CTNNBIP1: variants seen among roughly 807,000 people sequenced by gnomAD.
CTNNBIP1 encodes catenin beta interacting protein 1.
CTNNBIP1 carries 7 observed loss-of-function variants against 11.8 expected under a neutral mutation model. The ratio of observed to expected loss-of-function variants is 0.60; its 90% CI spans 0.34 to 1.12. The LOEUF (loss-of-function observed/expected upper bound fraction) is 1.12, where lower values mean the gene tolerates loss of function less well. Among genes scored for constraint, CTNNBIP1 ranks in the 50% most tolerant of loss-of-function variants. The probability of loss-of-function intolerance (pLI) is 0.03; values close to 1 mark genes in which losing one functional copy is unlikely to be tolerated. For synonymous variants in CTNNBIP1, 58 were observed against 43.9 expected (o/e 1.32, Z -1.26); for missense variants, 101 against 113.4 (o/e 0.89, Z 0.50).
chr1:9,878,578 G>A (rs1022838751), intron 2 of CTNNBIP1, among the ~76,000 whole-genome samples: 3 of 152,164 alleles, frequency 2.0e-5, no homozygotes, highest in Non-Finnish European at 2.9e-5. Context: ...ACATGTCTAC[G>A]TGCCCCCAAT....
chr1:9,860,550 C>T (rs1638604968), intron 5 of CTNNBIP1, among the ~76,000 whole-genome samples: 1 of 146,930 alleles, frequency 6.8e-6, no homozygotes, highest in South Asian at 2.2e-4. Context: ...GCGGAGGTTG[C>T]AGTGAGCCGA....
chr1:9,876,334 AG>A (rs1217866489), intron 3 of CTNNBIP1, among the ~76,000 whole-genome samples: 1 of 152,194 alleles, frequency 6.6e-6, no homozygotes, highest in Non-Finnish European at 1.5e-5. Context: ...GAAAAGAAAC[AG>A]GCCAGGCACA....
chr1:9,909,414 A>G (rs1044805912), intron 1 of CTNNBIP1, among the ~76,000 whole-genome samples: 1 of 152,162 alleles, frequency 6.6e-6, no homozygotes, highest in African/African-American at 2.4e-5. Flanking sequence ...AGACAAGTTC[A>G]GCTCACAAGG....
chr1:9,908,327 G>GA (rs957801676), intron 1 of CTNNBIP1, among the ~76,000 whole-genome samples: 37 of 150,904 alleles, frequency 2.5e-4, no homozygotes, highest in African/African-American at 9.0e-4. Context: ...AAAGTGCTGG[G>GA]ATTACAGGCA....
At chr1:9,891,539 A>C (rs1357843092) in intron 1 of CTNNBIP1, among the ~76,000 whole-genome samples, 1 of 152,120 alleles carries the variant, frequency 6.6e-6, no homozygotes, top group Non-Finnish European at 1.5e-5. Flanking sequence ...GTGCCCCCGG[A>C]AGCAGCCCCC....
In CTNNBIP1 at chr1:9,888,179, C is replaced by T. The variant is rs1030958258; in HGVS notation, c.-143-4441G>A. ...GGCACAGTGGCTCATGCCTGTAATCCCAACGCTTTGGGAGGCTGAGGTGGG... is the reference window on the plus strand; with the variant it reads ...GGCACAGTGGCTCATGCCTGTAATCTCAACGCTTTGGGAGGCTGAGGTGGG... On this transcript the variant is annotated intron_variant, in intron 1 of 5. Transcript: ENST00000377263. Among the ~76,000 whole-genome samples the T allele has an allele frequency of 5.5e-4, 84 of 152,066 alleles. 1 individual carries two copies. The highest frequency in any genetic ancestry group is 2.0e-4 in the East Asian group (1 of 5,098).
intron 1 of CTNNBIP1, among the ~76,000 whole-genome samples, chr1:9,896,565 C>A (rs547283401): frequency 7.2e-5 from 11 of 151,872 alleles, no homozygotes; most frequent in Non-Finnish European, 1.0e-4. Context: ...CCGGCCATGG[C>A]GGCTCACGCT....
At chr1:9,873,339 A>T (rs977492402) in intron 3 of CTNNBIP1, among the ~76,000 whole-genome samples, 1 of 152,094 alleles carries the variant, frequency 6.6e-6, no homozygotes, top group African/African-American at 2.4e-5. Flanking sequence ...CCTAAGTGAT[A>T]ACTGGGAGCT....
intron 5 of CTNNBIP1, among the ~76,000 whole-genome samples, chr1:9,852,451 G>A (rs60389428): frequency 0.12 from 17,799 of 152,186 alleles, 2,898 homozygotes; most frequent in African/African-American, 0.35. Flanking sequence ...AAAGGGACAC[G>A]AGTTGTCCAG....
intron 3 of CTNNBIP1, among the ~76,000 whole-genome samples, chr1:9,873,561 G>A (rs1014648336): frequency 6.6e-6 from 1 of 152,114 alleles, no homozygotes. Flanking sequence ...ATCTGGAGCT[G>A]GACTCCACAC....
chr1:9,861,649 T>G (rs1174354346), intron 5 of CTNNBIP1, among the ~76,000 whole-genome samples: 1 of 152,190 alleles, frequency 6.6e-6, no homozygotes, highest in Non-Finnish European at 1.5e-5. Flanking sequence ...TGTGTGGACG[T>G]GCATCGAGCT....
At chr1:9,907,792 G>C (rs764458782) in intron 1 of CTNNBIP1, among the ~76,000 whole-genome samples, 1 of 152,038 alleles carries the variant, frequency 6.6e-6, no homozygotes, top group African/African-American at 2.4e-5. Context: ...CCACCTCTTC[G>C]TTTCCACTGC....
rs114858333 is a variant in CTNNBIP1 at position 9,907,688 on chromosome 1, G to A, written c.-144+2407C>T. Among the ~76,000 whole-genome samples the A allele has an allele frequency of 5.6e-3, 857 of 152,270 alleles. 11 individuals carry two copies. The highest frequency in any genetic ancestry group is 0.02 in the African/African-American group (815 of 41,534). On this transcript the variant is annotated intron_variant, in intron 1 of 5. Coordinates refer to ENST00000377263, the MANE Select transcript of CTNNBIP1 (RefSeq NM_020248.3). ...ACAAACCCTCTCCAATCAAGGAGGC[G>A]GGGACCTGTTCTGTGAGCACGTTGT...
intron 5 of CTNNBIP1, among the ~76,000 whole-genome samples, chr1:9,865,323 G>A (rs12749151): frequency 0.035 from 5,399 of 152,098 alleles, 125 homozygotes; most frequent in Non-Finnish European, 0.052. Context: ...TATTAAGGCC[G>A]GGCGCGGTGG....
At chr1:9,888,637 C>A (rs1639236443) in intron 1 of CTNNBIP1, among the ~76,000 whole-genome samples, 1 of 152,178 alleles carries the variant, frequency 6.6e-6, no homozygotes, top group Admixed American at 6.5e-5. Flanking sequence ...TGCATCGCAT[C>A]CCAGACCACC....
rs757381176 is a variant in CTNNBIP1, at chr1:9,871,263, C to T, written c.111G>A (p.Glu37=). Residue 37 remains glutamate (E), a synonymous_variant, in exon 5 of 6, where the codon GAG becomes GAA. Coordinates refer to ENST00000377263, the MANE Select transcript of CTNNBIP1 (RefSeq NM_020248.3). The surrounding 1 kb of genome is among the most constrained non-coding windows in gnomAD (Gnocchi z 5.2). ...CTGCATAGGTGCGCAGGAACTCCTC[C>T]TCGCTGGCTGTCAGCTGCAGGGTGA... ...RKMGSNLTAS[E]EEFLRTYAGV... 156 of 1,571,514 alleles carry T rather than the reference C, an allele frequency of 9.9e-5. No homozygotes were observed. The highest frequency in any genetic ancestry group is 1.7e-4 in the Middle Eastern group (1 of 5,988).
intron 3 of CTNNBIP1, among the ~76,000 whole-genome samples, chr1:9,876,236 G>A (rs557336043): frequency 1.4e-4 from 22 of 152,250 alleles, no homozygotes; most frequent in South Asian, 1.2e-3. Flanking sequence ...ACATTCCAGC[G>A]TCTAAAATGG....
At chr1:9,910,065 G>A (rs1196833734) in intron 1 of CTNNBIP1, 30 bp downstream of exon 1, 1 of 147,452 alleles carries the variant, frequency 6.8e-6, no homozygotes, top group Non-Finnish European at 1.5e-5. Context: ...GGCCCGGGCG[G>A]TGCAGGCGCG....
chr1:9,910,219 G>A lies in CTNNBIP1; in HGVS notation c.-268C>T, dbSNP rs1639709051. The A allele has an allele frequency of 6.8e-6, 1 of 147,428 alleles. No homozygotes were observed. The highest frequency in any genetic ancestry group is 1.5e-5 in the Non-Finnish European group (1 of 66,116). 9.1% of individuals were successfully genotyped at this position (147,428 alleles called of 1,614,324 possible). Reference sequence around the variant, plus strand: ...GGCGGCGGCAGTAGCAGCAGCAGGAGCGGCCGCCTCAGCCTCCGCCTCCCG... The same window carrying A: ...GGCGGCGGCAGTAGCAGCAGCAGGAACGGCCGCCTCAGCCTCCGCCTCCCG... On this transcript the variant is annotated 5_prime_UTR_variant, in exon 1 of 6. Coordinates refer to ENST00000377263, the MANE Select transcript of CTNNBIP1 (RefSeq NM_020248.3).
Sources: gnomAD v4.1 joint callset for allele counts (sites outside exome capture counted in the v4.1 genomes callset) on GRCh38, gnomAD v4.1.1 for gene constraint, Gnocchi (gnomAD v3.1) non-coding constraint, MANE v1.5 for transcripts, NCBI Gene and HGNC (gene_info 2026-07-23, HGNC 2026-07-21) for gene names.